The following LRBA variants were observed in gnomAD, a reference collection of about 807,000 sequenced individuals.
LRBA encodes LPS responsive beige-like anchor protein.
In LRBA, 176 loss-of-function variants were observed where a neutral mutation model predicts 330.0. The observed-to-expected ratio is 0.53, with a 90% CI of 0.47 to 0.60. The LOEUF is 0.60. Among genes scored for constraint, LRBA ranks in the 20% least tolerant of loss-of-function variants. LRBA has a pLI of 0.00. For missense variants in LRBA, 3,259 were observed against 3,444.8 expected, an observed-to-expected ratio of 0.95 and a Z score of 1.35; for synonymous variants, 1,230 against 1,193.0, an observed-to-expected ratio of 1.03 and a Z score of -0.64.
At chr4:150,822,599 T>C (rs1198505823) in intron 30 of LRBA, among the ~76,000 whole-genome samples, 2 of 152,020 alleles carry the variant, frequency 1.3e-5, no homozygotes, top group Non-Finnish European at 2.9e-5. Flanking sequence ...ACACCTCATC[T>C]CTACAAAAAA....
intron 36 of LRBA, among the ~76,000 whole-genome samples, chr4:150,723,111 G>A (rs1729150404): frequency 6.6e-6 from 1 of 152,042 alleles, no homozygotes; most frequent in South Asian, 2.1e-4. Flanking sequence ...AGATAAACTT[G>A]AAAGGAAGTC....
rs773076202 is a variant in LRBA, at chr4:150,959,635, G to A, written c.217-30570C>T. ...AATATTTCAAAAAGACAATAACAAC[G>A]AATTGGTCTCCTGTAGAGGATAAGA... On this transcript the variant is annotated intron_variant, in intron 2 of 56. Transcript: ENST00000651943. 4.4e-4 allele frequency among the ~76,000 whole-genome samples: 65 copies of A among 148,592 alleles called. 2 individuals carry two copies. The highest frequency in any genetic ancestry group is 7.9e-4 in the Non-Finnish European group (54 of 67,950).
intron 40 of LRBA, among the ~76,000 whole-genome samples, chr4:150,547,684 C>T (rs1032685657): frequency 6.6e-6 from 1 of 151,876 alleles, no homozygotes; most frequent in South Asian, 2.1e-4. Context: ...TAAAATAGCC[C>T]CTATTCACTC....
intron 4 of LRBA, among the ~76,000 whole-genome samples, chr4:150,926,178 A>G (rs1406908422): frequency 1.3e-5 from 2 of 152,182 alleles, no homozygotes; most frequent in African/African-American, 4.8e-5. Flanking sequence ...TACCAGACTG[A>G]TCATGCTTAT....
At chr4:150,928,251 T>C (rs1310929251) in intron 4 of LRBA, among the ~76,000 whole-genome samples, 2 of 152,240 alleles carry the variant, frequency 1.3e-5, no homozygotes, top group East Asian at 3.8e-4. Context: ...TATCTTTTTT[T>C]CTAATAAATA....
chr4:150,701,407 A>G (rs868527274), intron 36 of LRBA, among the ~76,000 whole-genome samples: 4 of 152,332 alleles, frequency 2.6e-5, no homozygotes, highest in Middle Eastern at 3.4e-3. Context: ...CAAGTATTAT[A>G]TAATTGTGCT....
intron 37 of LRBA, among the ~76,000 whole-genome samples, chr4:150,609,548 TCAGGAAGTTC>T (rs1775016341): frequency 6.6e-6 from 1 of 152,142 alleles, no homozygotes; most frequent in Non-Finnish European, 1.5e-5. Context: ...TCTAGTGAAG[TCAGGAAGTTC>T]ACTTGGTGCA....
rs771544628 is a variant in LRBA at position 150,900,185 on chromosome 4, C to T, written c.1788G>A (p.Thr596=). Reference sequence around the variant, plus strand: ...ATATGTTGACTGTACCAATGAATTCCGTGGACAGATAAGTATAGAGCATCA... The same window carrying T: ...ATATGTTGACTGTACCAATGAATTCTGTGGACAGATAAGTATAGAGCATCA... ...VQLMLYTYLS[T]EFIGTVNIYN... Residue 596 remains threonine, a synonymous_variant, in exon 14 of 57, where the codon ACG becomes ACA. Coordinates refer to ENST00000651943, the MANE Select transcript of LRBA (RefSeq NM_001364905.1). The T allele has an allele frequency of 2.5e-6, 4 of 1,612,916 alleles. No homozygotes were observed. The highest frequency in any genetic ancestry group is 1.7e-5 in the Admixed American group (1 of 59,942).
At chr4:150,401,962 G>C (rs1430676652) in intron 47 of LRBA, among the ~76,000 whole-genome samples, 3 of 151,720 alleles carry the variant, frequency 2.0e-5, no homozygotes, top group Non-Finnish European at 2.9e-5. Context: ...AAAAGAGGGA[G>C]GGAAAAAGGT....
chr4:150,585,012 CTT>C (rs1771919928), intron 40 of LRBA, among the ~76,000 whole-genome samples: 1 of 152,014 alleles, frequency 6.6e-6, no homozygotes, highest in Admixed American at 6.5e-5. Context: ...ATAGAAAAAA[CTT>C]TTTCACATTA....
At chr4:150,990,396 A>G (rs1474502538) in intron 2 of LRBA, among the ~76,000 whole-genome samples, 1 of 152,206 alleles carries the variant, frequency 6.6e-6, no homozygotes, top group Non-Finnish European at 1.5e-5. Flanking sequence ...CTGTACAAAT[A>G]CATTACTCCA....
At chr4:150,440,408 A>G (rs933221260) in intron 44 of LRBA, among the ~76,000 whole-genome samples, 2 of 152,146 alleles carry the variant, frequency 1.3e-5, no homozygotes, top group Non-Finnish European at 2.9e-5. Flanking sequence ...ACAATGAAAA[A>G]TAGGTTTAAG....
intron 34 of LRBA, among the ~76,000 whole-genome samples, chr4:150,786,552 TG>T (rs973977778): frequency 6.6e-6 from 1 of 152,084 alleles, no homozygotes; most frequent in African/African-American, 2.4e-5. Context: ...CCTAGACTTT[TG>T]TATTTCTGAT....
chr4:150,730,817 A>G (rs1414069441), intron 36 of LRBA, among the ~76,000 whole-genome samples: 2 of 152,014 alleles, frequency 1.3e-5, no homozygotes, highest in African/African-American at 4.8e-5. Flanking sequence ...CAGGAGTTCA[A>G]GACCAGCCTG....
chr4:150,798,221 C>G (rs1741088797), intron 33 of LRBA, 79 bp from the exon 34 acceptor site: 1 of 924,402 alleles, frequency 1.1e-6, no homozygotes, highest in Non-Finnish European at 1.8e-6. Context: ...CAAACTGTTT[C>G]TTCAAATTAT....
chr4:150,804,557 C>T (rs1402267369), intron 33 of LRBA, among the ~76,000 whole-genome samples: 2 of 152,120 alleles, frequency 1.3e-5, no homozygotes, highest in African/African-American at 4.8e-5. Flanking sequence ...ATTCCTCAGA[C>T]CATCTCCTAG....
At chr4:150,294,391 T>G (rs944294869) in intron 53 of LRBA, among the ~76,000 whole-genome samples, 42 of 152,334 alleles carry the variant, frequency 2.8e-4, no homozygotes, top group African/African-American at 9.6e-4. Context: ...CTAGACTGCC[T>G]GAGTTTAAAT....
chr4:150,609,413 T>C (rs912729491), intron 37 of LRBA, among the ~76,000 whole-genome samples: 7 of 152,164 alleles, frequency 4.6e-5, no homozygotes, highest in Non-Finnish European at 5.9e-5. Flanking sequence ...AGAAGCCAGA[T>C]TGGAAATAGT....
chr4:150,881,336 T>C (rs1342773799), intron 17 of LRBA, among the ~76,000 whole-genome samples: 1 of 152,052 alleles, frequency 6.6e-6, no homozygotes, highest in Non-Finnish European at 1.5e-5. Context: ...TACACAGCCA[T>C]AAAAATAAAC....
Sources: gnomAD v4.1 joint callset for allele counts (sites outside exome capture counted in the v4.1 genomes callset) on GRCh38, gnomAD v4.1.1 for gene constraint, MANE v1.5 for transcripts, NCBI Gene and HGNC (gene_info 2026-07-23, HGNC 2026-07-21) for gene names.